KDM4B: variants seen among roughly 807,000 people sequenced by gnomAD.
KDM4B encodes the protein lysine demethylase 4B, also known as lysine-specific demethylase 4B.
Under a neutral mutation model 125.2 loss-of-function variants are expected in KDM4B, and 32 were observed. The ratio of observed to expected loss-of-function variants is 0.26; its 90% CI spans 0.19 to 0.34. KDM4B has a LOEUF of 0.34. Among genes scored for constraint, KDM4B ranks in the 10% least tolerant of loss-of-function variants. The probability of loss-of-function intolerance (pLI) is 1.00; values close to 1 mark genes in which losing one functional copy is unlikely to be tolerated. For synonymous variants in KDM4B, 721 were observed against 677.9 expected (o/e 1.06, Z -0.99); for missense variants, 1,190 against 1,577.7 (o/e 0.75, Z 4.16).
chr19:4,984,698 G>A (rs1411260356), intron 1 of KDM4B, among the ~76,000 whole-genome samples: 1 of 152,218 alleles, frequency 6.6e-6, no homozygotes, highest in Non-Finnish European at 1.5e-5. Context: ...CTTGGGGTGT[G>A]TCTGTGGGTC....
intron 1 of KDM4B, among the ~76,000 whole-genome samples, chr19:4,982,158 T>C (rs2034663242): frequency 6.6e-6 from 1 of 152,194 alleles, no homozygotes; most frequent in East Asian, 1.9e-4. Context: ...CCTGGTGTGT[T>C]GGTGCAGGCC....
At chr19:5,001,511 A>G (rs2035383402) in intron 1 of KDM4B, among the ~76,000 whole-genome samples, 2 of 152,208 alleles carry the variant, frequency 1.3e-5, no homozygotes, top group Non-Finnish European at 2.9e-5. Context: ...GTTTGTTTCC[A>G]GGCTCTTACG....
intron 9 of KDM4B, among the ~76,000 whole-genome samples, chr19:5,096,342 C>G (rs1453805526): frequency 6.6e-6 from 1 of 152,176 alleles, no homozygotes; most frequent in African/African-American, 2.4e-5. Flanking sequence ...GCCTTGGCCT[C>G]CCAGAGTACT....
chr19:5,125,749 G>C (rs932181500), intron 11 of KDM4B, among the ~76,000 whole-genome samples: 5 of 152,180 alleles, frequency 3.3e-5, no homozygotes, highest in African/African-American at 4.8e-5. Context: ...CTCTGCCCAG[G>C]GAGGGCTCAG....
At position 5,048,760 on chromosome 19, in the gene KDM4B, G is replaced by C. The variant is rs577458274; in HGVS notation, c.626+1091G>C. Among the ~76,000 whole-genome samples, 5 of 152,390 alleles carry C rather than the reference G, an allele frequency of 3.3e-5. No homozygotes were observed. The South Asian group carries it at 8.3e-4, about 25-fold the overall frequency. ...CCCGTGTGACTTGGGGCAAAGCGTG[G>C]CCTCCCAGGGGTGCGTGGGCAGCGG... On this transcript the variant is annotated intron_variant, in intron 6 of 22. Coordinates refer to ENST00000159111, the MANE Select transcript of KDM4B (RefSeq NM_015015.3).
chr19:5,106,412 C>T (rs1325924853), intron 9 of KDM4B, among the ~76,000 whole-genome samples: 1 of 152,226 alleles, frequency 6.6e-6, no homozygotes, highest in Non-Finnish European at 1.5e-5. Context: ...CACCCGTCAT[C>T]TGCAGCTTGG....
rs764454247 is a variant in KDM4B at position 5,057,063 on chromosome 19, T to TGC, written c.626+9395_626+9396insCG. ...GTGTGTGTGTGTGTGTGTGTGTGTG[T>TGC]GTGCGCGCGCGCGCGTATGTTAGCA... On this transcript the variant is annotated intron_variant, in intron 6 of 22. Transcript: ENST00000159111. 5.6e-3 allele frequency among the ~76,000 whole-genome samples: 756 copies of TGC among 134,392 alleles called. 7 individuals are homozygous for TGC. Among genetic ancestry groups the TGC allele is most frequent in the East Asian group, 0.033 (156 of 4,720 alleles). 88.2% of individuals were successfully genotyped at this position (134,392 alleles called of 152,430 possible).
chr19:5,015,105 G>C (rs1314754080), intron 1 of KDM4B, among the ~76,000 whole-genome samples: 1 of 152,126 alleles, frequency 6.6e-6, no homozygotes, highest in East Asian at 1.9e-4. Flanking sequence ...GTGAGAGTTG[G>C]CATTAGCTGA....
chr19:5,142,953 G>A lies in KDM4B; in HGVS notation c.2551-1014G>A, dbSNP rs981648022. Among the ~76,000 whole-genome samples, 4 of 152,004 alleles carry A rather than the reference G, an allele frequency of 2.6e-5. No individual in the cohort carries two copies. The highest frequency in any genetic ancestry group is 3.9e-4 in the East Asian group (2 of 5,182). ...TGCTGGCTCGGGCAGGTGTTGCAGC[G>A]GGAGCCTCAAGGGATGAAAGGTGGC... On this transcript the variant is annotated intron_variant, in intron 18 of 22. Coordinates refer to ENST00000159111, the MANE Select transcript of KDM4B (RefSeq NM_015015.3). The surrounding 1 kb of genome is among the most constrained non-coding windows in gnomAD (Gnocchi z 5.4).
intron 2 of KDM4B, among the ~76,000 whole-genome samples, chr19:5,017,831 C>T (rs1167374332): frequency 6.6e-6 from 1 of 151,742 alleles, no homozygotes; most frequent in Non-Finnish European, 1.5e-5. Context: ...AGCTCCGCCT[C>T]CCGGGTTCAC....
At chr19:5,111,311 T>C (rs903444774) in intron 10 of KDM4B, 6 of 724,882 alleles carry the variant, frequency 8.3e-6, no homozygotes, top group African/African-American at 3.4e-5. Flanking sequence ...GGATTTGAGA[T>C]CGTGGAGAGG....
At chr19:5,109,438 C>T (rs567122843) in intron 9 of KDM4B, among the ~76,000 whole-genome samples, 14 of 152,312 alleles carry the variant, frequency 9.2e-5, no homozygotes, top group African/African-American at 2.4e-4. Context: ...ACCAAAGTGA[C>T]GCAGCGGCAG....
At chr19:5,093,050 G>C (rs1303827534) in intron 9 of KDM4B, among the ~76,000 whole-genome samples, 1 of 152,198 alleles carries the variant, frequency 6.6e-6, no homozygotes, top group African/African-American at 2.4e-5. Flanking sequence ...CTAGTGCTCT[G>C]CCTCAGTTTC....
At chr19:5,068,508 C>T (rs1288185518) in intron 6 of KDM4B, among the ~76,000 whole-genome samples, 1 of 152,172 alleles carries the variant, frequency 6.6e-6, no homozygotes, top group African/African-American at 2.4e-5. Flanking sequence ...TCCAGCCTCA[C>T]TCAGTTCTGT....
intron 11 of KDM4B, among the ~76,000 whole-genome samples, chr19:5,127,311 A>G (rs1035004072): frequency 6.6e-6 from 1 of 152,158 alleles, no homozygotes; most frequent in Non-Finnish European, 1.5e-5. Flanking sequence ...AATGGCCCAC[A>G]GCAAGGACAG....
intron 9 of KDM4B, among the ~76,000 whole-genome samples, chr19:5,085,089 G>A (rs1278457755): frequency 1.3e-5 from 2 of 152,140 alleles, no homozygotes; most frequent in East Asian, 1.9e-4. Context: ...TGGCCACGCC[G>A]GTCTGGACGA....
At chr19:5,111,229 G>A (rs879109488) in intron 10 of KDM4B, 242 of 610,614 alleles carry the variant, frequency 4.0e-4, no homozygotes, top group Middle Eastern at 3.7e-4. Flanking sequence ...CCGGCTACTC[G>A]GGCCCCTCCC....
intron 1 of KDM4B, among the ~76,000 whole-genome samples, chr19:4,986,785 C>T (rs908489690): frequency 2.6e-5 from 4 of 152,202 alleles, no homozygotes; most frequent in Non-Finnish European, 2.9e-5. Flanking sequence ...GCAGGCAGCA[C>T]GTGCGGAGGC....
intron 7 of KDM4B, among the ~76,000 whole-genome samples, chr19:5,072,113 C>T (rs537779049): frequency 6.6e-5 from 10 of 152,314 alleles, no homozygotes; most frequent in South Asian, 4.1e-4. Context: ...TACAGGCTCC[C>T]GGGACTGCCT....
Sources: allele counts gnomAD v4.1 joint callset (sites outside exome capture counted in the v4.1 genomes callset), GRCh38; gene constraint gnomAD v4.1.1; non-coding constraint Gnocchi (gnomAD v3.1); transcripts MANE v1.5; gene names NCBI Gene and HGNC (gene_info 2026-07-23, HGNC 2026-07-21).